Variants in FGD4 observed in about 807,000 individuals in gnomAD.
FGD4 encodes the protein FYVE, RhoGEF and PH domain-containing protein 4.
In FGD4, 42 loss-of-function variants were observed where a neutral mutation model predicts 102.0. That is an observed-to-expected ratio of 0.41 (90% CI 0.32 to 0.53). FGD4 has a LOEUF of 0.53. Ranked by LOEUF, FGD4 falls within the 20% of genes least tolerant of loss-of-function variation. The pLI, the probability that FGD4 is intolerant of heterozygous loss-of-function variation, is 0.21. For missense variants in FGD4, 902 were observed against 1,078.2 expected, an observed-to-expected ratio of 0.84 and a Z score of 2.29; for synonymous variants, 380 against 375.7, an observed-to-expected ratio of 1.01 and a Z score of -0.13.
intron 3 of FGD4, among the ~76,000 whole-genome samples, chr12:32,581,428 A>G (rs1423291968): frequency 6.6e-6 from 1 of 152,210 alleles, no homozygotes; most frequent in Non-Finnish European, 1.5e-5. Context: ...TTAAAAAGGT[A>G]TGGCAGCATG....
chr12:32,638,509 A>G (rs1950976990), intron 15 of FGD4, 146 bp from the exon 16 acceptor site: 2 of 1,113,250 alleles, frequency 1.8e-6, no homozygotes, highest in Admixed American at 2.2e-5. Context: ...AATATTTTCC[A>G]TGTTAAAATG....
chr12:32,456,368 C>G (rs1374960239), intron 1 of FGD4, among the ~76,000 whole-genome samples: 1 of 152,124 alleles, frequency 6.6e-6, no homozygotes, highest in Non-Finnish European at 1.5e-5. Context: ...AACAGTTACC[C>G]TTTAGTCAAT....
In FGD4 at chr12:32,521,739, C is replaced by T. The variant is rs143002744; in HGVS notation, c.167-42398C>T. ...ACTCTAATTTCTGCTGTTTTAAACTCGAATCCTTACCCATTTGTGGCAAAT... is the reference window on the plus strand; with the variant it reads ...ACTCTAATTTCTGCTGTTTTAAACTTGAATCCTTACCCATTTGTGGCAAAT... On this transcript the variant is annotated intron_variant, in intron 1 of 16. Transcript: ENST00000534526. Among the ~76,000 whole-genome samples, 42 of 152,268 alleles carry T rather than the reference C, an allele frequency of 2.8e-4. No homozygotes were observed. In the East Asian group the frequency reaches 6.7e-3, roughly 24 times the overall value.
chr12:32,531,176 C>T (rs1309580597), intron 1 of FGD4, among the ~76,000 whole-genome samples: 1 of 151,788 alleles, frequency 6.6e-6, no homozygotes, highest in Non-Finnish European at 1.5e-5. Flanking sequence ...GTCTCGATCT[C>T]TTGACCTCAT....
chr12:32,596,582 GT>G (rs140983070), intron 4 of FGD4, among the ~76,000 whole-genome samples: 45 of 147,370 alleles, frequency 3.1e-4, no homozygotes, highest in African/African-American at 4.0e-4. Flanking sequence ...GCAATGGAAA[GT>G]TTTTTTTTTT....
intron 1 of FGD4, among the ~76,000 whole-genome samples, chr12:32,487,672 C>T (rs539427124): frequency 2.2e-4 from 33 of 152,314 alleles, no homozygotes; most frequent in African/African-American, 7.0e-4. Context: ...AGTGATCCAC[C>T]CGCCTTTGCC....
chr12:32,473,872 G>A (rs1943508628), intron 1 of FGD4, among the ~76,000 whole-genome samples: 1 of 152,106 alleles, frequency 6.6e-6, no homozygotes, highest in African/African-American at 2.4e-5. Context: ...CAGATAACGA[G>A]GTCAGGAGAT....
chr12:32,626,183 GC>G lies in FGD4; in HGVS notation c.2172+406del, dbSNP rs1400505959. Among the ~76,000 whole-genome samples, 4 of 152,300 alleles carry G rather than the reference GC, an allele frequency of 2.6e-5. No individual in the cohort carries two copies. The East Asian group carries it at 5.8e-4, about 22-fold the overall frequency. ...AAAGGGGCTGGGCGCAGTGGCTTAC[GC>G]CTATAATCCCAGCACTTTGGGAGGC... is the stretch of plus-strand genomic sequence containing the variant. On this transcript the variant is annotated intron_variant, in intron 14 of 16. Coordinates refer to ENST00000534526, the MANE Select transcript of FGD4 (RefSeq NM_001370298.3).
At chr12:32,524,928 CAAT>C (rs1940984997) in intron 1 of FGD4, among the ~76,000 whole-genome samples, 1 of 151,896 alleles carries the variant, frequency 6.6e-6, no homozygotes, top group African/African-American at 2.4e-5. Context: ...AAAATTTAAA[CAAT>C]GAGGTGCTGT....
rs189867801 is a variant in FGD4 at position 32,418,903 on chromosome 12, T to G, written c.166+18944T>G. On this transcript the variant is annotated intron_variant, in intron 1 of 16. Coordinates refer to ENST00000534526, the MANE Select transcript of FGD4 (RefSeq NM_001370298.3). ...ATTTACCTGGTGTTTTGTTCTACTG[T>G]GGTTAAGGTGGCACGTGACCCACAA... Among the ~76,000 whole-genome samples, 249 of 152,276 alleles carry G rather than the reference T, an allele frequency of 1.6e-3. 2 individuals are homozygous for G. Among genetic ancestry groups the G allele is most frequent in the African/African-American group, 5.9e-3 (245 of 41,560 alleles).
chr12:32,494,196 A>C (rs1417025387), intron 1 of FGD4, among the ~76,000 whole-genome samples: 1 of 152,092 alleles, frequency 6.6e-6, no homozygotes, highest in Non-Finnish European at 1.5e-5. Context: ...GTGCCACCAC[A>C]CCCAGCTAAC....
intron 2 of FGD4, among the ~76,000 whole-genome samples, chr12:32,571,917 G>A (rs1945701304): frequency 6.6e-6 from 1 of 152,020 alleles, no homozygotes; most frequent in Non-Finnish European, 1.5e-5. Context: ...AAAAGAAAAT[G>A]AAGCCAGGAG....
intron 1 of FGD4, among the ~76,000 whole-genome samples, chr12:32,473,748 G>C (rs928816676): frequency 2.6e-5 from 4 of 152,120 alleles, no homozygotes; most frequent in Non-Finnish European, 5.9e-5. Context: ...ATAATGGTAA[G>C]GCAGGGACAG....
intron 1 of FGD4, among the ~76,000 whole-genome samples, chr12:32,415,103 T>C (rs979065560): frequency 6.6e-6 from 1 of 152,192 alleles, no homozygotes; most frequent in Admixed American, 6.6e-5. Context: ...AAATTCCTCT[T>C]GTTATTTATT....
chr12:32,561,070 G>GTTTT lies in FGD4; in HGVS notation c.167-3066_167-3063dup, dbSNP rs1267043755. 4.9e-3 allele frequency among the ~76,000 whole-genome samples: 446 copies of GTTTT among 90,764 alleles called. 82 individuals are homozygous for GTTTT. Among genetic ancestry groups the GTTTT allele is most frequent in the African/African-American group, 0.013 (313 of 24,014 alleles). The allele number at this position is 90,764 out of a possible 152,430, so 59.5% of individuals were successfully genotyped here. A position where few individuals can be genotyped will look rare whatever the true frequency, so the allele number is the denominator to read the frequency against. The stretch of plus-strand genomic sequence containing the variant: ...AGCAGAAATGTGGTTTCTTTGTTGG[G>GTTTT]TTTTGTTTTTTTTTTTTTTTTTTTT... On this transcript the variant is annotated intron_variant, in intron 1 of 16. Transcript: ENST00000534526.
intron 1 of FGD4, among the ~76,000 whole-genome samples, chr12:32,474,524 A>G (rs1943535098): frequency 6.6e-6 from 1 of 152,212 alleles, no homozygotes; most frequent in Non-Finnish European, 1.5e-5. Flanking sequence ...TGTATATGAA[A>G]TGTCCCAAAG....
intron 1 of FGD4, among the ~76,000 whole-genome samples, chr12:32,476,901 T>G (rs1414466914): frequency 1.3e-5 from 2 of 152,212 alleles, no homozygotes; most frequent in Non-Finnish European, 2.9e-5. Flanking sequence ...ATTAATCCAC[T>G]GTAATCTGTG....
At chr12:32,443,157 A>G (rs991069870) in intron 1 of FGD4, among the ~76,000 whole-genome samples, 1 of 152,150 alleles carries the variant, frequency 6.6e-6, no homozygotes, top group Non-Finnish European at 1.5e-5. Context: ...GCTGTGCAGA[A>G]GCTTTTTAGT....
Position 32,407,904 on chromosome 12 carries a change from G to T in FGD4, c.166+7945G>T, listed in dbSNP as rs559840300. ...CATTTCTCCTCTGTTACCTTCCATG[G>T]TTTGCCCCTTTACTCTCATTTATAG... On this transcript the variant is annotated intron_variant, in intron 1 of 16. Transcript: ENST00000534526. Among the ~76,000 whole-genome samples the T allele has an allele frequency of 5.3e-5, 8 of 151,946 alleles. No individual in the cohort carries two copies. In the South Asian group the frequency reaches 8.3e-4, roughly 16 times the overall value.
Sources: allele counts gnomAD v4.1 joint callset (sites outside exome capture counted in the v4.1 genomes callset), GRCh38; gene constraint gnomAD v4.1.1; transcripts MANE v1.5; gene names NCBI Gene and HGNC (gene_info 2026-07-23, HGNC 2026-07-21).